Variants in UVRAG observed in about 807,000 individuals in gnomAD.
The protein encoded by UVRAG is UV radiation resistance-associated gene protein.
Under a neutral mutation model 78.0 loss-of-function variants are expected in UVRAG, and 19 were observed. The ratio of observed to expected loss-of-function variants is 0.24; its 90% CI spans 0.17 to 0.36. UVRAG has a LOEUF of 0.36. Ranked by LOEUF, UVRAG falls within the 10% of genes least tolerant of loss-of-function variation. The pLI, the probability that UVRAG is intolerant of heterozygous loss-of-function variation, is 1.00. For synonymous variants in UVRAG, 323 were observed against 324.6 expected (o/e 1.00, Z 0.05); for missense variants, 740 against 853.8 (o/e 0.87, Z 1.66).
At chr11:76,134,037 C>T (rs1401590949) in intron 14 of UVRAG, among the ~76,000 whole-genome samples, 1 of 150,962 alleles carries the variant, frequency 6.6e-6, no homozygotes, top group East Asian at 1.9e-4. Flanking sequence ...CACGCAACCT[C>T]CACCTCCTGG....
intron 6 of UVRAG, chr11:75,915,350 G>T (rs978069555): frequency 1.3e-5 from 2 of 152,146 alleles, no homozygotes; most frequent in African/African-American, 4.8e-5. Flanking sequence ...CCATAGTTAA[G>T]AATTTAGGCT....
At chr11:75,886,864 T>C (rs1333545741) in intron 4 of UVRAG, among the ~76,000 whole-genome samples, 5 of 152,234 alleles carry the variant, frequency 3.3e-5, no homozygotes, top group Admixed American at 3.3e-4. Context: ...TTTTTTTTTT[T>C]TTGCCACAAC....
At chr11:75,924,416 C>T (rs1257932481) in intron 6 of UVRAG, among the ~76,000 whole-genome samples, 1 of 150,714 alleles carries the variant, frequency 6.6e-6, no homozygotes, top group Non-Finnish European at 1.5e-5. Flanking sequence ...GACGGAGTCT[C>T]GCTCTGTCAC....
chr11:76,090,519 C>T (rs1404175518), intron 13 of UVRAG, among the ~76,000 whole-genome samples: 1 of 152,158 alleles, frequency 6.6e-6, no homozygotes, highest in Non-Finnish European at 1.5e-5. Flanking sequence ...CTGCAGGCTG[C>T]AACCCTTTAT....
Position 76,087,535 on chromosome 11 carries a change from C to T in UVRAG, c.1305+21747C>T, listed in dbSNP as rs1297888320. Among the ~76,000 whole-genome samples the T allele has an allele frequency of 2.0e-5, 3 of 152,124 alleles. No individual in the cohort carries two copies. The East Asian group carries it at 5.8e-4, about 29-fold the overall frequency. ...GTGTCAGACAAGGCACTTCAGTCCT[C>T]ATAGCATGAGGACTGTAATATAGAT... On this transcript the variant is annotated intron_variant, in intron 13 of 14. Coordinates refer to ENST00000356136, the MANE Select transcript of UVRAG (RefSeq NM_003369.4).
At chr11:76,096,848 A>G (rs1014843423) in intron 13 of UVRAG, among the ~76,000 whole-genome samples, 1 of 152,116 alleles carries the variant, frequency 6.6e-6, no homozygotes, top group African/African-American at 2.4e-5. Context: ...TGTTGAATGC[A>G]GTGAGACAGG....
At chr11:75,969,145 C>G (rs1798052412) in intron 7 of UVRAG, among the ~76,000 whole-genome samples, 1 of 152,168 alleles carries the variant, frequency 6.6e-6, no homozygotes, top group Non-Finnish European at 1.5e-5. Context: ...CTCCTCGCCT[C>G]CCTCTACTCC....
intron 1 of UVRAG, among the ~76,000 whole-genome samples, chr11:75,824,393 GTT>G (rs11334251): frequency 1.9e-4 from 27 of 144,422 alleles, no homozygotes; most frequent in African/African-American, 5.8e-4. Flanking sequence ...GTGAAAATGA[GTT>G]TTTTTTTTTT....
At chr11:75,862,100 AAAG>A (rs1281466624) in intron 3 of UVRAG, among the ~76,000 whole-genome samples, 1 of 152,186 alleles carries the variant, frequency 6.6e-6, no homozygotes, top group African/African-American at 2.4e-5. Flanking sequence ...TAAAATAAAA[AAAG>A]AAAAAAATAT....
intron 7 of UVRAG, among the ~76,000 whole-genome samples, chr11:75,967,105 C>T (rs1949038659): frequency 6.6e-6 from 1 of 152,198 alleles, no homozygotes. Flanking sequence ...TTCTGACTCA[C>T]CTCCAAAATA....
At chr11:75,857,921 CTTTA>C (rs1029788329) in intron 2 of UVRAG, among the ~76,000 whole-genome samples, 1 of 151,410 alleles carries the variant, frequency 6.6e-6, no homozygotes, top group Non-Finnish European at 1.5e-5. Context: ...GTCTTCTGTG[CTTTA>C]TTTTTCTCTG....
intron 12 of UVRAG, among the ~76,000 whole-genome samples, chr11:76,040,548 G>C (rs1487405646): frequency 6.6e-6 from 1 of 151,174 alleles, no homozygotes; most frequent in Non-Finnish European, 1.5e-5. Flanking sequence ...TTGTTTGTTT[G>C]TTTTGTTTTG....
At chr11:75,911,819 C>T in intron 5 of UVRAG, 135 bp from the exon 6 acceptor site, 1 of 583,436 alleles carries the variant, frequency 1.7e-6, no homozygotes, top group Non-Finnish European at 3.0e-6. Flanking sequence ...ATATACTTTA[C>T]TTTTTGGAAT....
intron 1 of UVRAG, among the ~76,000 whole-genome samples, chr11:75,839,471 A>ATG (rs34249186): frequency 0.11 from 17,319 of 151,308 alleles, 1,078 homozygotes; most frequent in East Asian, 0.22. Flanking sequence ...AAGGCATAGG[A>ATG]TGTGTGTGTG....
At chr11:76,113,012 A>G (rs955267804) in intron 13 of UVRAG, among the ~76,000 whole-genome samples, 8 of 152,140 alleles carry the variant, frequency 5.3e-5, no homozygotes, top group Admixed American at 3.9e-4. Flanking sequence ...ACACCTGGCC[A>G]GTTTTAAGAT....
chr11:76,042,764 T>C (rs1419944407), intron 12 of UVRAG, among the ~76,000 whole-genome samples: 2 of 152,206 alleles, frequency 1.3e-5, no homozygotes, highest in Non-Finnish European at 2.9e-5. Context: ...AGTTTGCCCT[T>C]ACCTATCTGT....
At chr11:75,962,707 G>GA (rs1948932703) in intron 7 of UVRAG, among the ~76,000 whole-genome samples, 1 of 152,022 alleles carries the variant, frequency 6.6e-6, no homozygotes. Flanking sequence ...GAAGGGGGAG[G>GA]AAAAATCACT....
chr11:75,917,241 C>T (rs1024544060), intron 6 of UVRAG, among the ~76,000 whole-genome samples: 1 of 152,194 alleles, frequency 6.6e-6, no homozygotes, highest in Non-Finnish European at 1.5e-5. Context: ...ATTTCTGTCA[C>T]TCATAATTTT....
chr11:75,925,739 T>C (rs548387747), intron 6 of UVRAG, among the ~76,000 whole-genome samples: 1 of 152,346 alleles, frequency 6.6e-6, no homozygotes, highest in Admixed American at 6.5e-5. Context: ...TTAAATACAT[T>C]AATGCTATTA....
Sources: gnomAD v4.1 joint callset for allele counts (sites outside exome capture counted in the v4.1 genomes callset) on GRCh38, gnomAD v4.1.1 for gene constraint, MANE v1.5 for transcripts, NCBI Gene and HGNC (gene_info 2026-07-23, HGNC 2026-07-21) for gene names.